RYR1: variants seen among roughly 807,000 people sequenced by gnomAD.
The protein encoded by RYR1 is central core disease of muscle.
Under a neutral mutation model 583.5 loss-of-function variants are expected in RYR1, and 342 were observed. That is an observed-to-expected ratio of 0.59 (90% CI 0.54 to 0.64). The LOEUF (loss-of-function observed/expected upper bound fraction) is 0.64, where lower values mean the gene tolerates loss of function less well. RYR1 is among the 30% of genes least tolerant of loss of function. RYR1 has a pLI of 0.00. For missense variants in RYR1, 6,032 were observed against 6,917.2 expected, an observed-to-expected ratio of 0.87 and a Z score of 4.54; for synonymous variants, 2,791 against 2,822.5, an observed-to-expected ratio of 0.99 and a Z score of 0.35.
Position 38,528,634 on chromosome 19 carries a change from A to T in RYR1, c.10973A>T (p.Lys3658Met). ...RACNMFLESY[K>M]AAWILTEDHS... Reference sequence around the variant, plus strand: ...TGTAACATGTTCCTGGAGAGCTACAAGGCTGCATGGATCCTGACTGAAGAC... The same window carrying T: ...TGTAACATGTTCCTGGAGAGCTACATGGCTGCATGGATCCTGACTGAAGAC... Residue 3658 changes from lysine (K) to methionine (M), a missense_variant, in exon 75 of 106, where the codon AAG becomes ATG. Physicochemically the swap from Lys to Met is moderately conservative, Grantham distance 95 (BLOSUM62 -1). Coordinates refer to ENST00000359596, the MANE Select transcript of RYR1 (RefSeq NM_000540.3). The T allele has an allele frequency of 6.2e-7, 1 of 1,614,182 alleles. No individual in the cohort carries two copies. Among genetic ancestry groups the T allele is most frequent in the African/African-American group, 1.3e-5 (1 of 75,046 alleles).
chr19:38,577,420 A>C (rs1974007308), intron 97 of RYR1, among the ~76,000 whole-genome samples: 1 of 152,202 alleles, frequency 6.6e-6, no homozygotes, highest in Non-Finnish European at 1.5e-5. Flanking sequence ...CGTGTTAAAC[A>C]AAACAGTGAT....
Position 38,525,511 on chromosome 19 carries a change from C to T in RYR1, c.10626+9C>T, listed in dbSNP as rs1259660659. 1 of 1,613,280 alleles carries T rather than the reference C, an allele frequency of 6.2e-7. No individual in the cohort carries two copies. Among genetic ancestry groups the T allele is most frequent in the Non-Finnish European group, 8.5e-7 (1 of 1,179,722 alleles). ...AGACCCGTTACGCCCTGGTGCCTGC[C>T]CAGCCCCGTCCTCGGAACCTTCCAG... On this transcript the variant is annotated intron_variant, in intron 71 of 105. Transcript: ENST00000359596.
Position 38,565,910 on chromosome 19 carries a change from C to T in RYR1, c.13437+139C>T. On this transcript the variant is annotated intron_variant, in intron 91 of 105. Transcript: ENST00000359596. This position sits in a 1 kb window ranked among gnomAD's most constrained non-coding sequence, Gnocchi z 4.7. ...CACACGCACCCACGGAGGACGCACCCATGGAGGACGCACACGGGGACAGCG... is the reference window on the plus strand; with the variant it reads ...CACACGCACCCACGGAGGACGCACCTATGGAGGACGCACACGGGGACAGCG... The T allele has an allele frequency of 9.7e-7, 1 of 1,027,198 alleles. No homozygotes were observed. Among genetic ancestry groups the T allele is most frequent in the Non-Finnish European group, 1.3e-6 (1 of 782,076 alleles). 63.6% of individuals were successfully genotyped at this position (1,027,198 alleles called of 1,614,324 possible).
chr19:38,572,777 C>T (rs943148604), intron 95 of RYR1, among the ~76,000 whole-genome samples: 1 of 151,294 alleles, frequency 6.6e-6, no homozygotes, highest in Non-Finnish European at 1.5e-5. Flanking sequence ...ACCCCCATTC[C>T]AGCCCTGACC....
intron 101 of RYR1, among the ~76,000 whole-genome samples, chr19:38,581,599 TTTG>T (rs544487281): frequency 1.3e-5 from 2 of 151,934 alleles, no homozygotes; most frequent in South Asian, 2.1e-4. Flanking sequence ...GCTGAGGTTT[TTTG>T]TTGTTGTTGT....
At chr19:38,465,738 TG>T (rs1429010440) in intron 23 of RYR1, among the ~76,000 whole-genome samples, 1 of 151,810 alleles carries the variant, frequency 6.6e-6, no homozygotes, top group Non-Finnish European at 1.5e-5. Context: ...CACTCCAGCC[TG>T]GGCAACAAGA....
Position 38,478,589 on chromosome 19 carries a change from A to C in RYR1, c.4609A>C (p.Thr1537Pro). 2 of 1,612,052 alleles carry C rather than the reference A, an allele frequency of 1.2e-6. No individual in the cohort carries two copies. The highest frequency in any genetic ancestry group is 1.7e-6 in the Non-Finnish European group (2 of 1,179,980). ...TACAGCCAATGGCAAAGAGAGCAAC[A>C]CCTTTTTCCAGGTGAGTCCAGGCCA... ...TFTANGKESN[T>P]FFQVEPNTKL... The change falls in exon 31 of 106, where the codon ACC becomes CCC. Residue 1537 changes from threonine (T) to proline (P), a missense_variant. Transcript: ENST00000359596.
At position 38,586,134 on chromosome 19, in the gene RYR1, C is replaced by T. The variant is rs779835717; in HGVS notation, c.14912C>T (p.Thr4971Met). The T allele has an allele frequency of 1.6e-5, 26 of 1,613,946 alleles. No homozygotes were observed. Among genetic ancestry groups the T allele is most frequent in the South Asian group, 3.3e-5 (3 of 91,074 alleles). ...GGAATCGGCAGTGACTACTTTGATA[C>T]GACACCGCATGGCTTCGAGACTCAC... The part of the protein sequence containing the change: ...ICGIGSDYFD[T>M]TPHGFETHTL... Residue 4971 changes from threonine to methionine, a missense_variant, in exon 104 of 106, where the codon ACG becomes ATG. Coordinates refer to ENST00000359596, the MANE Select transcript of RYR1 (RefSeq NM_000540.3).
rs1397286668 is a variant in RYR1 at position 38,567,935 on chromosome 19, T to A, written c.13659+18T>A. ...AGTTCCTGGTAAGGATCCAGCCAGG[T>A]CACCTGAACCTTCTTCTCCCCGGGA... On this transcript the variant is annotated intron_variant, in intron 93 of 105. Coordinates refer to ENST00000359596, the MANE Select transcript of RYR1 (RefSeq NM_000540.3). 1 of 1,612,398 alleles carries A rather than the reference T, an allele frequency of 6.2e-7. No individual in the cohort carries two copies. Among genetic ancestry groups the A allele is most frequent in the African/African-American group, 1.3e-5 (1 of 74,814 alleles).
chr19:38,576,234 A>G (rs994594287), intron 97 of RYR1, among the ~76,000 whole-genome samples: 6 of 152,180 alleles, frequency 3.9e-5, no homozygotes, highest in Middle Eastern at 3.4e-3. Flanking sequence ...TGGATGTAAC[A>G]CTTGAGCTCA....
chr19:38,552,000 T>C (rs1972685562), intron 89 of RYR1, among the ~76,000 whole-genome samples: 1 of 152,166 alleles, frequency 6.6e-6, no homozygotes, highest in South Asian at 2.1e-4. Context: ...CAGTCTGGAG[T>C]GCAGTGGCGT....
At chr19:38,460,132 T>C (rs189253704) in intron 19 of RYR1, among the ~76,000 whole-genome samples, 6 of 152,336 alleles carry the variant, frequency 3.9e-5, no homozygotes, top group South Asian at 2.1e-4. Flanking sequence ...TGAACTCTTC[T>C]AGATTAACCA....
In RYR1 at chr19:38,565,287, G is replaced by A. The variant is rs1348435999; in HGVS notation, c.12953G>A (p.Arg4318Gln). The A allele has an allele frequency of 8.9e-6, 9 of 1,012,180 alleles. No homozygotes were observed. The highest frequency in any genetic ancestry group is 5.2e-5 in the African/African-American group (3 of 57,336). 62.7% of individuals were successfully genotyped at this position (1,012,180 alleles called of 1,614,324 possible). The change falls in exon 91 of 106, where the codon CGG becomes CAG. Residue 4318 changes from arginine to glutamine, a missense_variant. This residue lies in a region of RYR1 where 753 missense variants were observed against 759.6 expected (regional missense o/e 0.99). Transcript: ENST00000359596. The surrounding 1 kb of genome is among the most constrained non-coding windows in gnomAD (Gnocchi z 4.7). ...TACCGCAGCCTGCGGCGGCGCGTGC[G>A]GCGGCTGCGGCGGCTTACGGCCCGC... Reference protein sequence around the residue: ...LSYRSLRRRVRRLRRLTAREA... With the variant: ...LSYRSLRRRVQRLRRLTAREA...
At chr19:38,461,248 CAT>C (rs1377922118) in intron 20 of RYR1, among the ~76,000 whole-genome samples, 2 of 152,082 alleles carry the variant, frequency 1.3e-5, no homozygotes, top group Non-Finnish European at 2.9e-5. Context: ...GTATGGGTAA[CAT>C]AGTGATACCC....
intron 27 of RYR1, among the ~76,000 whole-genome samples, chr19:38,472,949 G>C (rs918727772): frequency 1.3e-5 from 2 of 151,340 alleles, no homozygotes; most frequent in Non-Finnish European, 2.9e-5. Flanking sequence ...CCTGTAGGCA[G>C]AGGTTGCGGT....
intron 34 of RYR1, among the ~76,000 whole-genome samples, chr19:38,486,644 A>G (rs1328062869): frequency 1.3e-5 from 2 of 152,122 alleles, no homozygotes; most frequent in African/African-American, 4.8e-5. Flanking sequence ...TCCGGCCTCC[A>G]TCCACCTTTC....
At chr19:38,506,694 C>A in intron 56 of RYR1, 135 bp from the exon 57 acceptor site, 1 of 1,499,884 alleles carries the variant, frequency 6.7e-7, no homozygotes, top group Non-Finnish European at 9.1e-7. Context: ...GAGATGAGCA[C>A]CAGCAAGCAA....
At chr19:38,511,751 G>C in intron 61 of RYR1, 141 bp downstream of exon 61, 2 of 1,059,270 alleles carry the variant, frequency 1.9e-6, no homozygotes, top group Non-Finnish European at 2.9e-6. Context: ...CCAGGTATCC[G>C]GGGGGTAGGG....
intron 73 of RYR1, 112 bp downstream of exon 73, chr19:38,527,896 G>A: frequency 1.5e-6 from 2 of 1,323,148 alleles, no homozygotes; most frequent in Non-Finnish European, 2.1e-6. Context: ...TTTTGGGGCA[G>A]GGCAGGAGGT....
Sources: gnomAD v4.1 joint callset for allele counts (sites outside exome capture counted in the v4.1 genomes callset) on GRCh38, gnomAD v4.1.1 for gene constraint, gnomAD v4.1.1 regional missense constraint, Gnocchi (gnomAD v3.1) non-coding constraint, MANE v1.5 for transcripts, NCBI Gene and HGNC (gene_info 2026-07-23, HGNC 2026-07-21) for gene names.